C1QTNF7: variants seen among roughly 807,000 people sequenced by gnomAD.
The protein encoded by C1QTNF7 is complement C1q tumor necrosis factor-related protein 7.
Under a neutral mutation model 19.6 loss-of-function variants are expected in C1QTNF7, and 15 were observed. The ratio of observed to expected loss-of-function variants is 0.76; its 90% CI spans 0.51 to 1.18. The LOEUF is 1.18. Among genes scored for constraint, C1QTNF7 ranks in the 50% most tolerant of loss-of-function variants. The probability of loss-of-function intolerance (pLI) is 0.00; values close to 1 mark genes in which losing one functional copy is unlikely to be tolerated. For missense variants in C1QTNF7, 324 were observed against 359.7 expected, an observed-to-expected ratio of 0.90 and a Z score of 0.80; for synonymous variants, 142 against 137.5, an observed-to-expected ratio of 1.03 and a Z score of -0.23.
chr4:15,385,030 G>A (rs1268119812), intron 1 of C1QTNF7, among the ~76,000 whole-genome samples: 1 of 152,190 alleles, frequency 6.6e-6, no homozygotes, highest in Non-Finnish European at 1.5e-5. Context: ...TTGAACACTG[G>A]TTCTCTCCTT....
intron 1 of C1QTNF7, chr4:15,374,640 A>T (rs1006861415): frequency 3.0e-6 from 3 of 985,354 alleles, no homozygotes; most frequent in Admixed American, 6.1e-5. Flanking sequence ...GAAATTACTT[A>T]TCAATCTGAA....
At chr4:15,359,298 A>C (rs1717256603) in intron 1 of C1QTNF7, among the ~76,000 whole-genome samples, 1 of 152,186 alleles carries the variant, frequency 6.6e-6, no homozygotes, top group South Asian at 2.1e-4. Flanking sequence ...GAAAAAGGGA[A>C]AGACATCTGG....
At chr4:15,375,160 T>C (rs1342429795) in intron 1 of C1QTNF7, among the ~76,000 whole-genome samples, 1 of 152,130 alleles carries the variant, frequency 6.6e-6, no homozygotes. Flanking sequence ...TGTCCATTCC[T>C]ACATAATTCA....
At chr4:15,409,295 C>G (rs1719316973) in intron 1 of C1QTNF7, among the ~76,000 whole-genome samples, 1 of 152,176 alleles carries the variant, frequency 6.6e-6, no homozygotes, top group South Asian at 2.1e-4. Context: ...TAGTGATGGT[C>G]CTCAGCCTCA....
chr4:15,366,857 G>A (rs1001343362), intron 1 of C1QTNF7, among the ~76,000 whole-genome samples: 6 of 152,104 alleles, frequency 3.9e-5, no homozygotes, highest in African/African-American at 9.7e-5. Flanking sequence ...TGACTCCTGC[G>A]GGCTGGCTGA....
intron 1 of C1QTNF7, among the ~76,000 whole-genome samples, chr4:15,388,484 T>C (rs949422479): frequency 6.6e-6 from 1 of 152,132 alleles, no homozygotes; most frequent in African/African-American, 2.4e-5. Context: ...ATGAATAAGG[T>C]ACAAATTAAA....
intron 1 of C1QTNF7, among the ~76,000 whole-genome samples, chr4:15,433,862 C>G (rs983511818): frequency 6.6e-6 from 1 of 152,220 alleles, no homozygotes; most frequent in Non-Finnish European, 1.5e-5. Context: ...AAGTCCCAGA[C>G]AGGGCCACTT....
intron 1 of C1QTNF7, among the ~76,000 whole-genome samples, chr4:15,400,913 G>T (rs892980062): frequency 6.6e-6 from 1 of 152,122 alleles, no homozygotes; most frequent in Non-Finnish European, 1.5e-5. Flanking sequence ...ACAGCATAAG[G>T]CTTCAGATTT....
chr4:15,345,009 G>A (rs997179355), intron 1 of C1QTNF7, among the ~76,000 whole-genome samples: 4 of 152,176 alleles, frequency 2.6e-5, no homozygotes, highest in African/African-American at 9.7e-5. Context: ...CTTTTAGAGA[G>A]CAGAGATAAA....
Position 15,435,937 on chromosome 4 carries a change from G to A in C1QTNF7, c.194G>A (p.Gly65Asp). 1 of 1,614,074 alleles carries A rather than the reference G, an allele frequency of 6.2e-7. No homozygotes were observed. Among genetic ancestry groups the A allele is most frequent in the South Asian group, 1.1e-5 (1 of 91,078 alleles). ...HGRIGLPGRD[G>D]RDGRKGEKGE... Reference sequence around the variant, plus strand: ...CGCATCGGCCTTCCAGGAAGAGATGGTAGAGACGGCAGGAAAGGAGAGAAA... The same window carrying A: ...CGCATCGGCCTTCCAGGAAGAGATGATAGAGACGGCAGGAAAGGAGAGAAA... Residue 65 changes from glycine (G) to aspartate (D), a missense_variant, in exon 2 of 3, where the codon GGT becomes GAT. Transcript: ENST00000444304.
intron 1 of C1QTNF7, among the ~76,000 whole-genome samples, chr4:15,415,620 CAT>C (rs35377968): frequency 9.2e-4 from 135 of 146,564 alleles, no homozygotes; most frequent in African/African-American, 1.6e-3. Flanking sequence ...TTATTTGATG[CAT>C]ATATATATAT....
intron 1 of C1QTNF7, among the ~76,000 whole-genome samples, chr4:15,417,752 G>T (rs904017918): frequency 2.0e-5 from 3 of 152,200 alleles, no homozygotes; most frequent in East Asian, 3.9e-4. Flanking sequence ...AAGAAAAGAG[G>T]TTTAATTGGC....
intron 1 of C1QTNF7, among the ~76,000 whole-genome samples, chr4:15,401,377 AGCTGAGT>A (rs1425487404): frequency 6.6e-6 from 1 of 152,170 alleles, no homozygotes; most frequent in African/African-American, 2.4e-5. Context: ...CATCAAGGCC[AGCTGAGT>A]AGGAAGAACA....
chr4:15,396,797 C>T (rs960722415), intron 1 of C1QTNF7, among the ~76,000 whole-genome samples: 3 of 152,066 alleles, frequency 2.0e-5, no homozygotes, highest in Admixed American at 6.5e-5. Flanking sequence ...CCATCACCAG[C>T]CCTTCTTGGC....
At chr4:15,432,263 C>T (rs1394866253) in intron 1 of C1QTNF7, among the ~76,000 whole-genome samples, 1 of 152,200 alleles carries the variant, frequency 6.6e-6, no homozygotes, top group African/African-American at 2.4e-5. Context: ...AACCAAACAG[C>T]GTGATCCCAC....
In C1QTNF7 at chr4:15,418,149, C is replaced by T. The variant is rs1042754006; in HGVS notation, c.14-17587C>T. Among the ~76,000 whole-genome samples the T allele has an allele frequency of 7.4e-4, 113 of 152,246 alleles. 2 individuals are homozygous for T. The highest frequency in any genetic ancestry group is 6.4e-3 in the Admixed American group (98 of 15,288). On this transcript the variant is annotated intron_variant, in intron 1 of 2. Coordinates refer to the C1QTNF7 transcript ENST00000295297. ...TTGTTGAAAATCTCTCCACTTCTCTCGTTATCCTTTGTAGCCACAGTGATC... is the reference window on the plus strand; with the variant it reads ...TTGTTGAAAATCTCTCCACTTCTCTTGTTATCCTTTGTAGCCACAGTGATC...
Position 15,355,530 on chromosome 4 carries a change from A to T in C1QTNF7, c.13+15323A>T, listed in dbSNP as rs533469118. ...GGTGAAACCACTGGAGAGGTGGCTCAGACCACCATTCAGGTGCTTGCTAGT... is the reference window on the plus strand; with the variant it reads ...GGTGAAACCACTGGAGAGGTGGCTCTGACCACCATTCAGGTGCTTGCTAGT... On this transcript the variant is annotated intron_variant, in intron 1 of 2. Coordinates refer to the C1QTNF7 transcript ENST00000295297. Among the ~76,000 whole-genome samples the T allele has an allele frequency of 7.9e-5, 12 of 152,252 alleles. No homozygotes were observed. In the South Asian group the frequency reaches 2.5e-3, roughly 32 times the overall value.
At chr4:15,367,591 C>T (rs917796079) in intron 1 of C1QTNF7, among the ~76,000 whole-genome samples, 4 of 152,098 alleles carry the variant, frequency 2.6e-5, no homozygotes, top group Non-Finnish European at 5.9e-5. Flanking sequence ...GTATTTGAAA[C>T]CCTGTGGGAA....
rs113712942 is a variant in C1QTNF7 at position 15,431,403 on chromosome 4, C to T, written c.-9+3297C>T. On this transcript the variant is annotated intron_variant, in intron 1 of 2. Transcript: ENST00000444304. ...GCTCTAGGGAGGGAACCTGGGTATCCAGAAGACTCAAAGGGAGGTGAAGAA... is the reference window on the plus strand; with the variant it reads ...GCTCTAGGGAGGGAACCTGGGTATCTAGAAGACTCAAAGGGAGGTGAAGAA... Among the ~76,000 whole-genome samples, 136 of 152,256 alleles carry T rather than the reference C, an allele frequency of 8.9e-4. 1 individual carries two copies. Among genetic ancestry groups the T allele is most frequent in the African/African-American group, 3.2e-3 (131 of 41,528 alleles).
Sources: gnomAD v4.1 joint callset for allele counts (sites outside exome capture counted in the v4.1 genomes callset) on GRCh38, gnomAD v4.1.1 for gene constraint, MANE v1.5 for transcripts, NCBI Gene and HGNC (gene_info 2026-07-23, HGNC 2026-07-21) for gene names.